The following MGRN1 variants were observed in gnomAD, a reference collection of about 807,000 sequenced individuals.
MGRN1 encodes the protein mahogunin ring finger 1, also known as E3 ubiquitin-protein ligase MGRN1.
In MGRN1, 29 loss-of-function variants were observed where a neutral mutation model predicts 69.2. The observed-to-expected ratio is 0.42, with a 90% CI of 0.31 to 0.57. The LOEUF (loss-of-function observed/expected upper bound fraction) is 0.57, where lower values mean the gene tolerates loss of function less well. MGRN1 is among the 20% of genes least tolerant of loss of function. The pLI, the probability that MGRN1 is intolerant of heterozygous loss-of-function variation, is 0.15. For synonymous variants in MGRN1, 470 were observed against 344.2 expected (o/e 1.37, Z -4.04); for missense variants, 998 against 796.2 (o/e 1.25, Z -3.05).
chr16:4,656,910 T>C (rs1009731308), intron 4 of MGRN1, among the ~76,000 whole-genome samples: 1 of 149,500 alleles, frequency 6.7e-6, no homozygotes, highest in East Asian at 2.0e-4. Context: ...AATAAATAAA[T>C]AAATAAATAA....
intron 10 of MGRN1, among the ~76,000 whole-genome samples, chr16:4,674,926 C>T (rs1027875172): frequency 7.9e-5 from 12 of 151,406 alleles, no homozygotes; most frequent in African/African-American, 2.7e-4. Flanking sequence ...AGGCGTGAGC[C>T]ACCGCGCCTG....
chr16:4,679,375 CT>C (rs762047169), intron 11 of MGRN1, among the ~76,000 whole-genome samples: 33 of 152,180 alleles, frequency 2.2e-4, no homozygotes, highest in Non-Finnish European at 4.0e-4. Flanking sequence ...CAGCTCTGAC[CT>C]CCACATGCCC....
chr16:4,675,150 T>C (rs1226442036), intron 10 of MGRN1, among the ~76,000 whole-genome samples: 1 of 151,990 alleles, frequency 6.6e-6, no homozygotes. Flanking sequence ...TTTGTGTATT[T>C]TTAGTAGAGA....
At chr16:4,664,878 T>C (rs113387278) in intron 6 of MGRN1, 103 bp downstream of exon 6, 21 of 1,478,922 alleles carry the variant, frequency 1.4e-5, no homozygotes, top group African/African-American at 8.3e-5. Context: ...AGGCCAGGCA[T>C]AGGGCCTTGG....
At position 4,624,854 on chromosome 16, in the gene MGRN1, G is replaced by T; in HGVS notation, c.-107G>T. ...GGCTCGAGGCGCCTCCGCGGCCGTG[G>T]ACGAGCGTCCGTGCGGCCTGGTCCG... On this transcript the variant is annotated 5_prime_UTR_variant, in exon 1 of 17. Transcript: ENST00000262370. The T allele has an allele frequency of 2.1e-6, 2 of 944,336 alleles. No homozygotes were observed. The highest frequency in any genetic ancestry group is 2.9e-6 in the Non-Finnish European group (2 of 694,478). The allele number at this position is 944,336 out of a possible 1,614,324, so 58.5% of individuals were successfully genotyped here.
Position 4,657,266 on chromosome 16 carries a change from C to A in MGRN1, c.464C>A (p.Ser155Ter). 1 of 1,614,044 alleles carries A rather than the reference C, an allele frequency of 6.2e-7. No homozygotes were observed. The highest frequency in any genetic ancestry group is 8.5e-7 in the Non-Finnish European group (1 of 1,179,898). ...GRAVYSPKSP[S>*]LQSETVHYKR... ...TGCAGATACAGCCCCAAGAGCCCCT[C>A]GCTACAGTCCGAGACCGTCCACTAC... Residue 155 changes from serine to a stop codon, truncating the protein, a stop_gained, in exon 5 of 17, where the codon TCG becomes TAG. Transcript: ENST00000262370. LOFTEE classifies it high-confidence loss of function.
intron 4 of MGRN1, among the ~76,000 whole-genome samples, chr16:4,653,320 C>T (rs1412075164): frequency 1.3e-5 from 2 of 152,140 alleles, no homozygotes; most frequent in African/African-American, 4.8e-5. Flanking sequence ...GGCGCACCAC[C>T]TTCCTCGTAT....
At chr16:4,688,618 T>G in intron 16 of MGRN1, 178 bp from the exon 17 acceptor site, 1 of 1,394,030 alleles carries the variant, frequency 7.2e-7, no homozygotes, top group Admixed American at 3.0e-5. Flanking sequence ...TTTGGCACAG[T>G]TAGGGAGTCC....
At chr16:4,645,594 G>GGC (rs2078257362) in intron 1 of MGRN1, among the ~76,000 whole-genome samples, 1 of 152,196 alleles carries the variant, frequency 6.6e-6, no homozygotes, top group Admixed American at 6.5e-5. Flanking sequence ...AAGATTGGTT[G>GGC]GCAAGCTGGG....
chr16:4,631,220 A>G (rs1383315629), intron 1 of MGRN1, among the ~76,000 whole-genome samples: 2 of 152,212 alleles, frequency 1.3e-5, no homozygotes, highest in Non-Finnish European at 2.9e-5. Flanking sequence ...TGTAGAGACT[A>G]TCATCTTCCC....
Position 4,682,009 on chromosome 16 carries a change from G to C in MGRN1, c.1358+233G>C, listed in dbSNP as rs377289737. On this transcript the variant is annotated intron_variant, in intron 13 of 16. Transcript: ENST00000262370. Reference sequence around the variant, plus strand: ...GCTGGAGGCTTTGATCCCCCGACCAGGGCCACACCGGCGTGCAGGCGCATA... The same window carrying C: ...GCTGGAGGCTTTGATCCCCCGACCACGGCCACACCGGCGTGCAGGCGCATA... Among the ~76,000 whole-genome samples, 7 of 151,856 alleles carry C rather than the reference G, an allele frequency of 4.6e-5. No individual in the cohort carries two copies. In the East Asian group the frequency reaches 5.9e-4, roughly 13 times the overall value.
At chr16:4,632,909 C>T (rs1327653291) in intron 1 of MGRN1, among the ~76,000 whole-genome samples, 2 of 152,096 alleles carry the variant, frequency 1.3e-5, no homozygotes, top group Non-Finnish European at 2.9e-5. Flanking sequence ...ACGGCAAAAC[C>T]TTGTCTCTAC....
chr16:4,674,702 G>T (rs1198190852), intron 10 of MGRN1, among the ~76,000 whole-genome samples: 2 of 129,988 alleles, frequency 1.5e-5, no homozygotes, highest in Admixed American at 8.5e-5. Flanking sequence ...CTGCAGTGGC[G>T]CAATCTCGGC....
In MGRN1 at chr16:4,680,077, A is replaced by G; in HGVS notation, c.1111A>G (p.Lys371Glu). The G allele has an allele frequency of 6.2e-7, 1 of 1,614,080 alleles. No individual in the cohort carries two copies. Among genetic ancestry groups the G allele is most frequent in the Non-Finnish European group, 8.5e-7 (1 of 1,179,946 alleles). Residue 371 changes from lysine (K) to glutamate (E), a missense_variant, in exon 12 of 17, where the codon AAG becomes GAG. Physicochemically the swap from Lys to Glu is moderately conservative, Grantham distance 56 (BLOSUM62 1). Transcript: ENST00000262370. ...GCCGCACCCCGCCTCCCTGGCCAGC[A>G]AGAAACCTAAAAGGGAAACAGTAAG... ...SKPHPASLAS[K>E]KPKRETNSDS...
At chr16:4,674,260 A>G (rs1182155419) in intron 10 of MGRN1, among the ~76,000 whole-genome samples, 1 of 152,110 alleles carries the variant, frequency 6.6e-6, no homozygotes, top group Non-Finnish European at 1.5e-5. Context: ...CTGGTGTTAC[A>G]GGCATGAGCC....
intron 7 of MGRN1, 109 bp from the exon 8 acceptor site, chr16:4,668,156 C>T: frequency 1.5e-6 from 1 of 688,106 alleles, no homozygotes; most frequent in South Asian, 2.4e-5. Context: ...CTTTTTCCAG[C>T]TGTGGGCATG....
chr16:4,675,914 A>C (rs1347528741), intron 10 of MGRN1, among the ~76,000 whole-genome samples: 1 of 152,212 alleles, frequency 6.6e-6, no homozygotes, highest in Non-Finnish European at 1.5e-5. Flanking sequence ...CTCAGGGTGA[A>C]AAAACGACCA....
rs534637117 is a variant in MGRN1 at position 4,689,985 on chromosome 16, T to A, written c.*1077T>A. 2.2e-4 allele frequency: 34 copies of A among 152,226 alleles called. No homozygotes were observed. The highest frequency in any genetic ancestry group is 7.9e-4 in the African/African-American group (33 of 41,520). 9.4% of individuals were successfully genotyped at this position (152,226 alleles called of 1,614,324 possible). On this transcript the variant is annotated 3_prime_UTR_variant, in exon 17 of 17. Coordinates refer to ENST00000262370, the MANE Select transcript of MGRN1 (RefSeq NM_015246.4). ...GATTTCACCATGTTGGCCGGGCTGG[T>A]CTCAAACTCCTAAGGTCATCCACCT...
At chr16:4,648,250 T>C (rs1221221574) in intron 1 of MGRN1, among the ~76,000 whole-genome samples, 2 of 151,364 alleles carry the variant, frequency 1.3e-5, no homozygotes, top group African/African-American at 4.9e-5. Context: ...CTTCCCGTGG[T>C]CACCCGGCTC....
Sources: gnomAD v4.1 joint callset for allele counts (sites outside exome capture counted in the v4.1 genomes callset) on GRCh38, gnomAD v4.1.1 for gene constraint, MANE v1.5 for transcripts, NCBI Gene and HGNC (gene_info 2026-07-23, HGNC 2026-07-21) for gene names.